Variants in NPAS3 observed in about 807,000 individuals in gnomAD.
NPAS3 encodes the protein neuronal PAS domain protein 3, also known as neuronal PAS domain-containing protein 3.
In NPAS3, 14 loss-of-function variants were observed where a neutral mutation model predicts 73.1. The ratio of observed to expected loss-of-function variants is 0.19; its 90% CI spans 0.13 to 0.30. The LOEUF is 0.30. Ranked by LOEUF, NPAS3 falls within the 10% of genes least tolerant of loss-of-function variation. NPAS3 has a pLI of 1.00. For synonymous variants in NPAS3, 620 were observed against 541.5 expected, an observed-to-expected ratio of 1.14 and a Z score of -2.01; for missense variants, 1,096 against 1,250.0, an observed-to-expected ratio of 0.88 and a Z score of 1.86.
intron 5 of NPAS3, among the ~76,000 whole-genome samples, chr14:33,609,446 A>G (rs537088854): frequency 6.6e-6 from 1 of 152,098 alleles, no homozygotes; most frequent in Non-Finnish European, 1.5e-5. Context: ...CTCATGGGTT[A>G]TTCCCTTTTT....
chr14:33,238,569 T>C (rs2048116042), intron 3 of NPAS3, among the ~76,000 whole-genome samples: 1 of 152,024 alleles, frequency 6.6e-6, no homozygotes, highest in Admixed American at 6.6e-5. Context: ...ATGTTTTATT[T>C]AATTTTCTGC....
intron 4 of NPAS3, among the ~76,000 whole-genome samples, chr14:33,476,601 T>A (rs2139665843): frequency 6.6e-6 from 1 of 152,330 alleles, no homozygotes; most frequent in South Asian, 2.1e-4. Flanking sequence ...TATGAGTATT[T>A]TTTTATTCAT....
intron 2 of NPAS3, among the ~76,000 whole-genome samples, chr14:33,199,444 G>A (rs1415873086): frequency 6.6e-6 from 1 of 152,136 alleles, no homozygotes; most frequent in African/African-American, 2.4e-5. Context: ...CAGTGACTCG[G>A]CATTCTGAAT....
intron 1 of NPAS3, among the ~76,000 whole-genome samples, chr14:32,940,523 G>A (rs1274461478): frequency 6.6e-6 from 1 of 152,206 alleles, no homozygotes; most frequent in South Asian, 2.1e-4. Context: ...GAGGAAAGGC[G>A]CAGTAGGAAG....
At chr14:33,427,294 C>T (rs1239027991) in intron 4 of NPAS3, among the ~76,000 whole-genome samples, 1 of 145,510 alleles carries the variant, frequency 6.9e-6, no homozygotes, top group Admixed American at 6.7e-5. Context: ...GAACCTCAAG[C>T]CTGTTCTCTC....
intron 6 of NPAS3, among the ~76,000 whole-genome samples, chr14:33,682,284 A>C (rs184890299): frequency 6.6e-6 from 1 of 152,278 alleles, no homozygotes; most frequent in Non-Finnish European, 1.5e-5. Flanking sequence ...AGTCCCCCAA[A>C]TCGGTCTGAC....
At chr14:33,517,955 A>C (rs1009509727) in intron 4 of NPAS3, among the ~76,000 whole-genome samples, 1 of 152,028 alleles carries the variant, frequency 6.6e-6, no homozygotes. Flanking sequence ...CCCTGAACCA[A>C]TATAGGTGCC....
At chr14:33,042,164 G>C (rs959852052) in intron 1 of NPAS3, among the ~76,000 whole-genome samples, 7 of 152,048 alleles carry the variant, frequency 4.6e-5, no homozygotes, top group Admixed American at 4.6e-4. Context: ...ACTGAGTCCT[G>C]GAAAAATTTT....
intron 1 of NPAS3, among the ~76,000 whole-genome samples, chr14:32,972,572 A>G (rs1440349449): frequency 6.6e-6 from 1 of 152,136 alleles, no homozygotes; most frequent in Non-Finnish European, 1.5e-5. Flanking sequence ...GTAAGTACAG[A>G]TGGTTGCCAA....
intron 1 of NPAS3, among the ~76,000 whole-genome samples, chr14:32,960,248 A>G (rs1313213923): frequency 6.6e-6 from 1 of 152,138 alleles, no homozygotes. Flanking sequence ...ACTGATTACC[A>G]AAGTTATGTA....
At chr14:33,174,224 T>C (rs2045503588) in intron 2 of NPAS3, among the ~76,000 whole-genome samples, 1 of 152,184 alleles carries the variant, frequency 6.6e-6, no homozygotes, top group South Asian at 2.1e-4. Context: ...CTATGACTTA[T>C]CCTATACACT....
intron 2 of NPAS3, among the ~76,000 whole-genome samples, chr14:33,166,503 C>T (rs1719730198): frequency 6.6e-6 from 1 of 152,144 alleles, no homozygotes. Context: ...GGAGGGAGGG[C>T]AGGCACTCTC....
chr14:33,172,345 T>C (rs2139385467), intron 2 of NPAS3, among the ~76,000 whole-genome samples: 1 of 152,330 alleles, frequency 6.6e-6, no homozygotes, highest in South Asian at 2.1e-4. Context: ...TAGAGTCTGC[T>C]CATTTTTGTA....
chr14:33,026,942 G>A (rs1471162238), intron 1 of NPAS3, among the ~76,000 whole-genome samples: 2 of 152,074 alleles, frequency 1.3e-5, no homozygotes, highest in Admixed American at 1.3e-4. Context: ...AGTTTAGCAA[G>A]GCTTAATCCT....
chr14:33,733,080 C>A lies in NPAS3; in HGVS notation c.734-2134C>A, dbSNP rs143515120. 1.4e-4 allele frequency among the ~76,000 whole-genome samples: 21 copies of A among 152,326 alleles called. No homozygotes were observed. The East Asian group carries it at 4.1e-3, about 29-fold the overall frequency. On this transcript the variant is annotated intron_variant, in intron 6 of 11. Coordinates refer to ENST00000356141, the Ensembl canonical transcript of NPAS3. ...AAACAGGTTTCACTTCTCTGGGAAG[C>A]TTCATTTTTCCTCATCAATTGCAAA...
chr14:33,356,335 T>A (rs2045337266), intron 3 of NPAS3, among the ~76,000 whole-genome samples: 1 of 152,240 alleles, frequency 6.6e-6, no homozygotes, highest in Non-Finnish European at 1.5e-5. Flanking sequence ...CAGAAAATGT[T>A]GATTGATTGC....
In NPAS3 at chr14:33,618,962, G is replaced by A. The variant is rs1434727869; in HGVS notation, c.559-57249G>A. Among the ~76,000 whole-genome samples, 6 of 152,180 alleles carry A rather than the reference G, an allele frequency of 3.9e-5. No homozygotes were observed. In the East Asian group the frequency reaches 7.7e-4, roughly 20 times the overall value. ...GCTGTCAGTTGTGGGAGTAGCACAG[G>A]GAATTGGTTCTCTAGTCTGCTGGAT... On this transcript the variant is annotated intron_variant, in intron 5 of 11. Coordinates refer to ENST00000356141, the Ensembl canonical transcript of NPAS3.
At chr14:33,244,136 G>A (rs2048301071) in intron 3 of NPAS3, among the ~76,000 whole-genome samples, 1 of 144,416 alleles carries the variant, frequency 6.9e-6, no homozygotes, top group Non-Finnish European at 1.5e-5. Flanking sequence ...ATCTACATTT[G>A]TTAAAAAAAA....
chr14:33,664,212 C>T lies in NPAS3; in HGVS notation c.559-11999C>T, dbSNP rs916491800. 5.3e-5 allele frequency among the ~76,000 whole-genome samples: 8 copies of T among 152,250 alleles called. No individual in the cohort carries two copies. In the East Asian group the frequency reaches 1.5e-3, roughly 29 times the overall value. ...CAGAACAGTGGCCTCAGAAATAACG[C>T]TGCATATCTACAACCATCTGATCTT... On this transcript the variant is annotated intron_variant, in intron 5 of 11. Coordinates refer to ENST00000356141, the Ensembl canonical transcript of NPAS3.
Sources: gnomAD v4.1 joint callset for allele counts (sites outside exome capture counted in the v4.1 genomes callset) on GRCh38, gnomAD v4.1.1 for gene constraint, MANE v1.5 for transcripts, NCBI Gene and HGNC (gene_info 2026-07-23, HGNC 2026-07-21) for gene names.